The following TRIM14 variants were observed in gnomAD, a reference collection of about 807,000 sequenced individuals.
TRIM14 encodes the protein tripartite motif-containing protein 14.
TRIM14 carries 28 observed loss-of-function variants against 44.5 expected under a neutral mutation model. That is an observed-to-expected ratio of 0.63 (90% CI 0.47 to 0.86). TRIM14 has a LOEUF of 0.86. TRIM14 is among the 40% of genes least tolerant of loss of function. The pLI is 0.00. For missense variants in TRIM14, 607 were observed against 611.1 expected, an observed-to-expected ratio of 0.99 and a Z score of 0.07; for synonymous variants, 299 against 269.2, an observed-to-expected ratio of 1.11 and a Z score of -1.08.
intron 2 of TRIM14, among the ~76,000 whole-genome samples, chr9:98,101,347 A>G (rs774820399): frequency 4.6e-5 from 7 of 152,156 alleles, no homozygotes; most frequent in Non-Finnish European, 1.0e-4. Context: ...GGGTATGTGA[A>G]GTAGGGCATT....
the TRIM14 span, chr9:98,056,977 C>T: frequency 3.9e-6 from 6 of 1,537,650 alleles, no homozygotes; most frequent in Admixed American, 3.8e-5. Context: ...GATTCGGGCG[C>T]CGGGAGGGGC....
intron 6 of TRIM14, chr9:98,075,389 CGGTG>C (rs1564162581): frequency 7.9e-6 from 1 of 126,246 alleles, no homozygotes; most frequent in Non-Finnish European, 1.6e-5. Flanking sequence ...AGGAAGGAAA[CGGTG>C]GGAGGGAGGG....
rs766350990 is a variant in TRIM14 at position 98,087,241 on chromosome 9, G to A, written c.*229C>T. On this transcript the variant is annotated 3_prime_UTR_variant, in exon 6 of 6. Coordinates refer to ENST00000341469, the MANE Select transcript of TRIM14 (RefSeq NM_014788.4). Reference sequence around the variant, plus strand: ...GTGTAAGTGATGGTGGGGTGAGGGTGCGGAGGTCTGATGAGAGGGCAGCAG... The same window carrying A: ...GTGTAAGTGATGGTGGGGTGAGGGTACGGAGGTCTGATGAGAGGGCAGCAG... The A allele has an allele frequency of 2.5e-6, 2 of 787,336 alleles. No individual in the cohort carries two copies. The highest frequency in any genetic ancestry group is 4.7e-6 in the Non-Finnish European group (2 of 426,246). 48.8% of individuals were successfully genotyped at this position (787,336 alleles called of 1,614,324 possible). A position where few individuals can be genotyped will look rare whatever the true frequency, so the allele number is the denominator to read the frequency against.
At chr9:98,115,581 A>C (rs975612280) in intron 1 of TRIM14, among the ~76,000 whole-genome samples, 1 of 151,718 alleles carries the variant, frequency 6.6e-6, no homozygotes, top group African/African-American at 2.4e-5. Flanking sequence ...ATGGGGTTTC[A>C]CCATGTTGGC....
At chr9:98,083,198 G>C (rs900504480), downstream of TRIM14, 80 of 756,602 alleles carry the variant, frequency 1.1e-4, no homozygotes, top group Non-Finnish European at 2.1e-5. Context: ...AGATGTTTCT[G>C]GGCTAGGCCC....
At chr9:98,036,500 G>GAAAAAAAAAA in the TRIM14 span, among the ~76,000 whole-genome samples, 5 of 102,532 alleles carry the variant, frequency 4.9e-5, no homozygotes, top group African/African-American at 1.4e-4. Context: ...GACTCCATCT[G>GAAAAAAAAAA]AAAAAAAAAA....
chr9:98,050,243 A>C, the TRIM14 span, among the ~76,000 whole-genome samples: 2 of 152,224 alleles, frequency 1.3e-5, no homozygotes, highest in Non-Finnish European at 2.9e-5. Context: ...ATATATAAGG[A>C]GGCAGCTTTA....
the TRIM14 span, among the ~76,000 whole-genome samples, chr9:98,049,395 C>A: frequency 6.7e-6 from 1 of 149,764 alleles, no homozygotes; most frequent in Admixed American, 6.7e-5. Flanking sequence ...CAGAGCACCC[C>A]CAAGGGCTGC....
At chr9:98,074,128 G>C (rs1049983318) in intron 6 of TRIM14, among the ~76,000 whole-genome samples, 2 of 152,154 alleles carry the variant, frequency 1.3e-5, no homozygotes, top group Admixed American at 1.3e-4. Context: ...GGGAAACACT[G>C]GGTTTGGAAC....
rs563961121 is a variant in TRIM14, at chr9:98,087,797, G to A, written c.1002C>T (p.Gly334=). The part of the protein sequence containing the change: ...WEVDVQEAGA[G]WWVGAAYASL... Reference sequence around the variant, plus strand: ...AGGCGTAGGCCGCGCCCACCCACCAGCCGGCGCCCGCCTCCTGCACGTCAA... The same window carrying A: ...AGGCGTAGGCCGCGCCCACCCACCAACCGGCGCCCGCCTCCTGCACGTCAA... The change falls in exon 6 of 6, where the codon GGC becomes GGT. Residue 334 remains glycine, a synonymous_variant. Transcript: ENST00000341469. The A allele has an allele frequency of 3.4e-5, 51 of 1,503,050 alleles. No individual in the cohort carries two copies. Among genetic ancestry groups the A allele is most frequent in the South Asian group, 1.0e-4 (8 of 79,122 alleles). The allele number at this position is 1,503,050 out of a possible 1,614,324, so 93.1% of individuals were successfully genotyped here. A position where few individuals can be genotyped will look rare whatever the true frequency, so the allele number is the denominator to read the frequency against.
At chr9:98,080,883 C>G (rs767649439), downstream of TRIM14, 7 of 1,613,954 alleles carry the variant, frequency 4.3e-6, no homozygotes, top group African/African-American at 5.3e-5. Flanking sequence ...ATAGCGATAT[C>G]TGTGGCCGCA....
At chr9:98,072,634 C>T (rs1829392659) in intron 6 of TRIM14, among the ~76,000 whole-genome samples, 1 of 152,102 alleles carries the variant, frequency 6.6e-6, no homozygotes, top group South Asian at 2.1e-4. Flanking sequence ...TGGTCTTGAA[C>T]TCCTGACCTC....
chr9:98,080,647 GTAT>G (rs995743154), downstream of TRIM14, among the ~76,000 whole-genome samples: 2 of 152,164 alleles, frequency 1.3e-5, no homozygotes, highest in African/African-American at 2.4e-5. Flanking sequence ...CACTCAGCAG[GTAT>G]TATTATCATC....
At chr9:98,115,025 T>C (rs1486544201) in intron 1 of TRIM14, among the ~76,000 whole-genome samples, 1 of 152,238 alleles carries the variant, frequency 6.6e-6, no homozygotes, top group African/African-American at 2.4e-5. Flanking sequence ...CATTTGTCTT[T>C]CTCTCTACCT....
At chr9:98,059,330 A>T in the TRIM14 span, among the ~76,000 whole-genome samples, 1 of 152,118 alleles carries the variant, frequency 6.6e-6, no homozygotes, top group South Asian at 2.1e-4. Flanking sequence ...GCAGCCAAGA[A>T]GTTTTTAATA....
chr9:98,093,016 GA>G lies in TRIM14; in HGVS notation c.701-1016del, dbSNP rs536190176. Among the ~76,000 whole-genome samples, 5 of 152,244 alleles carry G rather than the reference GA, an allele frequency of 3.3e-5. No individual in the cohort carries two copies. In the South Asian group the frequency reaches 1.0e-3, roughly 32 times the overall value. Reference sequence around the variant, plus strand: ...CCTCTCCCCTCTCCCCAGAACTCTAGAATCATAGGTCCTACTGCCGAGGCGA... The same window carrying G: ...CCTCTCCCCTCTCCCCAGAACTCTAGATCATAGGTCCTACTGCCGAGGCGA... On this transcript the variant is annotated intron_variant, in intron 4 of 5. Transcript: ENST00000341469.
chr9:98,106,818 CT>C (rs145577059), intron 2 of TRIM14, among the ~76,000 whole-genome samples: 1 of 144,074 alleles, frequency 6.9e-6, no homozygotes, highest in Non-Finnish European at 1.5e-5. Context: ...TTTTTCTTTT[CT>C]TTCTTCTTTT....
downstream of TRIM14, chr9:98,081,697 G>C (rs1199754999): frequency 6.6e-6 from 1 of 152,354 alleles, no homozygotes; most frequent in Non-Finnish European, 1.5e-5. Context: ...CTGAGTCATA[G>C]AGCCAGGCAG....
downstream of TRIM14, chr9:98,083,216 GC>G: frequency 1.5e-6 from 1 of 684,802 alleles, no homozygotes; most frequent in Non-Finnish European, 2.4e-6. Context: ...CCCTGTGTCA[GC>G]CCACTGGAGA....
Sources: allele counts gnomAD v4.1 joint callset (sites outside exome capture counted in the v4.1 genomes callset), GRCh38; gene constraint gnomAD v4.1.1; transcripts MANE v1.5; gene names NCBI Gene and HGNC (gene_info 2026-07-23, HGNC 2026-07-21).